Variants in ADK observed in about 807,000 individuals in gnomAD.
The protein encoded by ADK is N6,N6-dimethyladenosine kinase.
Under a neutral mutation model 44.7 loss-of-function variants are expected in ADK, and 24 were observed. The observed-to-expected ratio is 0.54, with a 90% CI of 0.39 to 0.76. The LOEUF (loss-of-function observed/expected upper bound fraction) is 0.76, where lower values mean the gene tolerates loss of function less well. Among genes scored for constraint, ADK ranks in the 30% least tolerant of loss-of-function variants. ADK has a pLI of 0.00. For synonymous variants in ADK, 128 were observed against 142.6 expected (o/e 0.90, Z 0.73); for missense variants, 321 against 425.1 (o/e 0.76, Z 2.15).
chr10:74,662,999 T>TG (rs887498337), intron 9 of ADK, among the ~76,000 whole-genome samples: 3 of 151,926 alleles, frequency 2.0e-5, no homozygotes, highest in Admixed American at 2.0e-4. Flanking sequence ...GAGGCCAAGG[T>TG]GGGTGGATCA....
intron 3 of ADK, among the ~76,000 whole-genome samples, chr10:74,232,437 G>T (rs1216682218): frequency 1.3e-5 from 2 of 151,440 alleles, no homozygotes; most frequent in African/African-American, 2.4e-5. Flanking sequence ...TGAGAGGATT[G>T]CTTGAGCCCA....
chr10:74,586,972 C>T (rs1851551193), intron 7 of ADK, among the ~76,000 whole-genome samples: 2 of 151,664 alleles, frequency 1.3e-5, no homozygotes, highest in South Asian at 4.1e-4. Flanking sequence ...TTGAGCAAAA[C>T]TGGACATTAA....
intron 1 of ADK, among the ~76,000 whole-genome samples, chr10:74,159,871 G>A (rs1446591381): frequency 1.3e-5 from 2 of 152,172 alleles, no homozygotes; most frequent in East Asian, 3.8e-4. Flanking sequence ...GGGATTACAG[G>A]TGTGAGCCAC....
At chr10:74,696,793 C>T (rs1005623399) in intron 10 of ADK, among the ~76,000 whole-genome samples, 11 of 152,202 alleles carry the variant, frequency 7.2e-5, no homozygotes, top group Admixed American at 2.0e-4. Flanking sequence ...ACAATATTTT[C>T]ACTTGCTTTC....
intron 1 of ADK, among the ~76,000 whole-genome samples, chr10:74,175,751 C>A (rs770093240): frequency 6.6e-6 from 1 of 152,032 alleles, no homozygotes; most frequent in Admixed American, 6.5e-5. Flanking sequence ...CATAGTGAGA[C>A]CCTGTCTCTA....
chr10:74,318,368 C>G (rs1246644887), intron 4 of ADK, among the ~76,000 whole-genome samples: 1 of 151,998 alleles, frequency 6.6e-6, no homozygotes, highest in Non-Finnish European at 1.5e-5. Flanking sequence ...CTGTGTGTTG[C>G]TCAGATTGGT....
intron 7 of ADK, among the ~76,000 whole-genome samples, chr10:74,582,564 A>C (rs1245243262): frequency 2.6e-5 from 4 of 152,210 alleles, no homozygotes. Context: ...TTGCTAGAAT[A>C]GACAAGTCAG....
intron 6 of ADK, among the ~76,000 whole-genome samples, chr10:74,459,930 C>T (rs1367564797): frequency 6.6e-6 from 1 of 152,078 alleles, no homozygotes; most frequent in East Asian, 1.9e-4. Context: ...CCCACCCCAA[C>T]CCAAGCCTGT....
intron 9 of ADK, among the ~76,000 whole-genome samples, chr10:74,663,244 A>T (rs866961549): frequency 3.8e-4 from 23 of 61,268 alleles, no homozygotes; most frequent in South Asian, 1.6e-3. Flanking sequence ...CAAAAAAAAA[A>T]AATAATATAT....
intron 6 of ADK, among the ~76,000 whole-genome samples, chr10:74,490,731 C>G (rs181280470): frequency 6.6e-6 from 1 of 152,122 alleles, no homozygotes; most frequent in African/African-American, 2.4e-5. Flanking sequence ...TGTTTTTACC[C>G]TCGGACAAGC....
At chr10:74,355,948 C>G (rs992782671) in intron 4 of ADK, among the ~76,000 whole-genome samples, 3 of 149,246 alleles carry the variant, frequency 2.0e-5, no homozygotes, top group Admixed American at 6.7e-5. Flanking sequence ...CCAAGGATAC[C>G]TCTGTGTGTG....
In ADK at chr10:74,459,589, C is replaced by T. The variant is rs576333340; in HGVS notation, c.555+61010C>T. 6.6e-5 allele frequency among the ~76,000 whole-genome samples: 10 copies of T among 151,674 alleles called. No homozygotes were observed. In the South Asian group the frequency reaches 1.7e-3, roughly 25 times the overall value. On this transcript the variant is annotated intron_variant, in intron 6 of 10. Transcript: ENST00000539909. ...ACTAAAAATACAAAAATTACCTGGG[C>T]GTGGTAGCACACGCCTGTAGTCCCA...
chr10:74,374,843 C>T (rs1327368469), intron 4 of ADK, among the ~76,000 whole-genome samples: 1 of 152,088 alleles, frequency 6.6e-6, no homozygotes, highest in African/African-American at 2.4e-5. Flanking sequence ...AACAGCATAT[C>T]TGTTATTTAC....
intron 9 of ADK, among the ~76,000 whole-genome samples, chr10:74,662,963 G>T (rs772082280): frequency 6.6e-6 from 1 of 151,914 alleles, no homozygotes; most frequent in Non-Finnish European, 1.5e-5. Flanking sequence ...GCATGGTAGC[G>T]CATGCCTGTA....
intron 7 of ADK, among the ~76,000 whole-genome samples, chr10:74,536,856 TATTTC>T (rs1564779671): frequency 6.6e-6 from 1 of 152,226 alleles, no homozygotes; most frequent in Non-Finnish European, 1.5e-5. Flanking sequence ...GGCTGAATAA[TATTTC>T]ATTGTATGTG....
At chr10:74,408,154 ATTTT>A (rs146437712) in intron 6 of ADK, among the ~76,000 whole-genome samples, 1 of 103,880 alleles carries the variant, frequency 9.6e-6, no homozygotes. Flanking sequence ...TGAGTTTTGT[ATTTT>A]TTTTTTTTTT....
intron 2 of ADK, among the ~76,000 whole-genome samples, chr10:74,203,695 A>C (rs6480722): frequency 6.6e-6 from 1 of 151,690 alleles, no homozygotes; most frequent in Non-Finnish European, 1.5e-5. Flanking sequence ...TGTTTTGATT[A>C]CTGTAGCTTT....
chr10:74,490,042 G>A (rs534206904), intron 6 of ADK, among the ~76,000 whole-genome samples: 4 of 151,830 alleles, frequency 2.6e-5, no homozygotes, highest in Non-Finnish European at 4.4e-5. Flanking sequence ...AAGCATTGGA[G>A]CATGTAACCA....
intron 9 of ADK, among the ~76,000 whole-genome samples, chr10:74,649,168 G>A (rs750917008): frequency 2.3e-4 from 35 of 152,070 alleles, no homozygotes; most frequent in Non-Finnish European, 4.0e-4. Context: ...AGTCAAGATC[G>A]CACTACTGCA....
Sources: gnomAD v4.1 joint callset for allele counts (sites outside exome capture counted in the v4.1 genomes callset) on GRCh38, gnomAD v4.1.1 for gene constraint, MANE v1.5 for transcripts, NCBI Gene and HGNC (gene_info 2026-07-23, HGNC 2026-07-21) for gene names.